Variants in CLSTN2 observed in about 807,000 individuals in gnomAD.
The protein encoded by CLSTN2 is calsyntenin-2.
CLSTN2 carries 48 observed loss-of-function variants against 101.2 expected under a neutral mutation model. The ratio of observed to expected loss-of-function variants is 0.47; its 90% CI spans 0.38 to 0.60. The LOEUF is 0.60. CLSTN2 is among the 20% of genes least tolerant of loss of function. The pLI is 0.00. For missense variants in CLSTN2, 1,160 were observed against 1,238.2 expected (o/e 0.94, Z 0.95); for synonymous variants, 481 against 463.6 (o/e 1.04, Z -0.48).
intron 1 of CLSTN2, among the ~76,000 whole-genome samples, chr3:140,095,265 C>T (rs548239064): frequency 6.6e-6 from 1 of 152,238 alleles, no homozygotes; most frequent in African/African-American, 2.4e-5. Flanking sequence ...ATAACATTGA[C>T]TTTTGTTCTG....
rs1434284555 is a variant in CLSTN2, at chr3:140,446,646, G to C, written c.788-1873G>C. 4.6e-5 allele frequency among the ~76,000 whole-genome samples: 7 copies of C among 152,122 alleles called. No homozygotes were observed. In the East Asian group the frequency reaches 1.3e-3, roughly 29 times the overall value. ...GCTATGGTCCCCATTTCCTTGATGG[G>C]ATGCCTGAGGCTTGGAGACCTTCAA... On this transcript the variant is annotated intron_variant, in intron 5 of 16. Coordinates refer to ENST00000458420, the MANE Select transcript of CLSTN2 (RefSeq NM_022131.3).
At chr3:140,428,236 T>C (rs2088593489) in intron 5 of CLSTN2, among the ~76,000 whole-genome samples, 1 of 152,238 alleles carries the variant, frequency 6.6e-6, no homozygotes, top group Admixed American at 6.5e-5. Flanking sequence ...TATGCTTTCC[T>C]TTATTCTTTT....
In CLSTN2 at chr3:140,338,497, G is replaced by A. The variant is rs148927585; in HGVS notation, c.233-65132G>A. Among the ~76,000 whole-genome samples the A allele has an allele frequency of 3.7e-3, 570 of 152,304 alleles. 4 individuals carry two copies. Among genetic ancestry groups the A allele is most frequent in the South Asian group, 1.0e-2 (48 of 4,824 alleles). On this transcript the variant is annotated intron_variant, in intron 2 of 16. Coordinates refer to ENST00000458420, the MANE Select transcript of CLSTN2 (RefSeq NM_022131.3). ...TCGGAGCCTCATCTATAAAGGAAGA[G>A]TAATGCCATCTTTCCCACAAGGGTG...
intron 8 of CLSTN2, chr3:140,506,748 C>A (rs994735878): frequency 6.6e-6 from 1 of 152,164 alleles, no homozygotes; most frequent in Non-Finnish European, 1.5e-5. Context: ...CATTAGTCAC[C>A]TGTGACTGTC....
At chr3:140,540,261 G>A (rs1935447517) in intron 9 of CLSTN2, among the ~76,000 whole-genome samples, 1 of 152,150 alleles carries the variant, frequency 6.6e-6, no homozygotes, top group Non-Finnish European at 1.5e-5. Flanking sequence ...AATATGTGCT[G>A]GAAAGCCTGC....
At chr3:140,476,934 C>T (rs534980473) in intron 8 of CLSTN2, among the ~76,000 whole-genome samples, 159 of 152,210 alleles carry the variant, frequency 1.0e-3, no homozygotes, top group African/African-American at 3.7e-3. Flanking sequence ...GCTGGGATTA[C>T]AGGTGTGAGC....
intron 1 of CLSTN2, among the ~76,000 whole-genome samples, chr3:139,937,115 G>A (rs1400103873): frequency 1.3e-5 from 2 of 151,038 alleles, no homozygotes; most frequent in East Asian, 2.0e-4. Flanking sequence ...GGGGTGGGGG[G>A]GAGGAGATTT....
chr3:140,276,818 C>T (rs2086798812), intron 2 of CLSTN2, among the ~76,000 whole-genome samples: 1 of 152,188 alleles, frequency 6.6e-6, no homozygotes, highest in Admixed American at 6.5e-5. Flanking sequence ...TATTTGTGGA[C>T]TTCTATTCCT....
rs974974062 is a variant in CLSTN2 at position 139,935,727 on chromosome 3, G to A, written c.109+244G>A. ...GGGCTGAGCAGAAGGCGAGGTCTGGGGAGTACGGACAACTTTGAGGGCTGT... is the reference window on the plus strand; with the variant it reads ...GGGCTGAGCAGAAGGCGAGGTCTGGAGAGTACGGACAACTTTGAGGGCTGT... On this transcript the variant is annotated intron_variant, in intron 1 of 16. Transcript: ENST00000458420. The surrounding 1 kb of genome is among the most constrained non-coding windows in gnomAD (Gnocchi z 5.5). Among the ~76,000 whole-genome samples the A allele has an allele frequency of 6.6e-6, 1 of 151,860 alleles. No individual in the cohort carries two copies. The highest frequency in any genetic ancestry group is 6.6e-5 in the Admixed American group (1 of 15,256).
rs1311813068 is a variant in CLSTN2 at position 140,563,135 on chromosome 3, T to C, written c.2414T>C (p.Ile805Thr). The C allele has an allele frequency of 6.2e-7, 1 of 1,614,002 alleles. No homozygotes were observed. Among genetic ancestry groups the C allele is most frequent in the Non-Finnish European group, 8.5e-7 (1 of 1,179,978 alleles). Reference protein sequence around the residue: ...VSDKEHVNHLIVQPPFLQSVH... With the variant: ...VSDKEHVNHLTVQPPFLQSVH... ...GATAAGGAGCATGTCAATCATCTGATTGTGCAGCCTCCCTTCCTCCAGTCT... is the reference window on the plus strand; with the variant it reads ...GATAAGGAGCATGTCAATCATCTGACTGTGCAGCCTCCCTTCCTCCAGTCT... The change falls in exon 15 of 17, where the codon ATT becomes ACT. Residue 805 changes from isoleucine (I) to threonine (T), a missense_variant. Ile to Thr is a moderately conservative substitution (Grantham distance 89). Transcript: ENST00000458420.
intron 2 of CLSTN2, among the ~76,000 whole-genome samples, chr3:140,198,524 G>A (rs1381927759): frequency 6.6e-6 from 1 of 152,150 alleles, no homozygotes; most frequent in Non-Finnish European, 1.5e-5. Flanking sequence ...TTGTCCTAGG[G>A]TAAGGTCCCG....
chr3:140,377,339 G>A (rs2087928188), intron 2 of CLSTN2, among the ~76,000 whole-genome samples: 1 of 152,044 alleles, frequency 6.6e-6, no homozygotes, highest in Admixed American at 6.6e-5. Flanking sequence ...ATTTTTTATT[G>A]CTATTTCAGA....
At chr3:140,414,714 TA>T (rs1274479565) in intron 4 of CLSTN2, among the ~76,000 whole-genome samples, 2 of 151,868 alleles carry the variant, frequency 1.3e-5, no homozygotes, top group Non-Finnish European at 2.9e-5. Flanking sequence ...ACTATTAAAA[TA>T]AAAAAATTTA....
At chr3:140,314,662 C>A (rs926552902) in intron 2 of CLSTN2, among the ~76,000 whole-genome samples, 1 of 152,030 alleles carries the variant, frequency 6.6e-6, no homozygotes, top group African/African-American at 2.4e-5. Flanking sequence ...ATCTGGATTT[C>A]TAATCTTTGA....
chr3:140,354,305 T>G (rs2087641921), intron 2 of CLSTN2, among the ~76,000 whole-genome samples: 1 of 152,240 alleles, frequency 6.6e-6, no homozygotes, highest in Non-Finnish European at 1.5e-5. Flanking sequence ...ACCTCCTGTT[T>G]GTTTATCAAG....
At chr3:140,171,417 AG>A (rs1304398742) in intron 1 of CLSTN2, among the ~76,000 whole-genome samples, 1 of 151,648 alleles carries the variant, frequency 6.6e-6, no homozygotes. Context: ...ATGGGTGAGA[AG>A]GAGCAAAATG....
At chr3:139,937,459 G>A (rs775180434) in intron 1 of CLSTN2, among the ~76,000 whole-genome samples, 4 of 151,952 alleles carry the variant, frequency 2.6e-5, no homozygotes, top group African/African-American at 9.7e-5. Context: ...TTGTCAGGTC[G>A]GGCATGGTGG....
chr3:140,372,042 C>T (rs1559851500), intron 2 of CLSTN2, among the ~76,000 whole-genome samples: 2 of 152,176 alleles, frequency 1.3e-5, no homozygotes, highest in South Asian at 2.1e-4. Flanking sequence ...AAGTGGAGGA[C>T]CTTGGGTGGG....
intron 2 of CLSTN2, among the ~76,000 whole-genome samples, chr3:140,312,254 C>A (rs2087176264): frequency 6.6e-6 from 1 of 152,208 alleles, no homozygotes; most frequent in South Asian, 2.1e-4. Context: ...CCCAGTTACA[C>A]AAAACTAAGC....
Sources: allele counts gnomAD v4.1 joint callset (sites outside exome capture counted in the v4.1 genomes callset), GRCh38; gene constraint gnomAD v4.1.1; non-coding constraint Gnocchi (gnomAD v3.1); transcripts MANE v1.5; gene names NCBI Gene and HGNC (gene_info 2026-07-23, HGNC 2026-07-21).